Variants in PSD3 observed in about 807,000 individuals in gnomAD.
The protein encoded by PSD3 is PH and SEC7 domain-containing protein 3.
In PSD3, 49 loss-of-function variants were observed where a neutral mutation model predicts 105.5. The observed-to-expected ratio is 0.46, with a 90% confidence interval of 0.37 to 0.59. PSD3 has a LOEUF of 0.59. Among genes scored for constraint, PSD3 ranks in the 20% least tolerant of loss-of-function variants. The pLI is 0.00. For synonymous variants in PSD3, 557 were observed against 457.8 expected (o/e 1.22, Z -2.77); for missense variants, 1,561 against 1,263.8 (o/e 1.24, Z -3.57).
intron 4 of PSD3, among the ~76,000 whole-genome samples, chr8:18,833,672 T>C (rs1813863479): frequency 6.6e-6 from 1 of 152,196 alleles, no homozygotes; most frequent in Admixed American, 6.5e-5. Flanking sequence ...TTTAGTTATC[T>C]AGTCAGAATA....
intron 8 of PSD3, among the ~76,000 whole-genome samples, chr8:18,795,051 A>T (rs898317868): frequency 1.3e-5 from 2 of 152,244 alleles, no homozygotes; most frequent in African/African-American, 4.8e-5. Flanking sequence ...ATTAGAAAAG[A>T]AATAATGAAT....
chr8:18,642,569 A>C (rs1205703099), intron 10 of PSD3, among the ~76,000 whole-genome samples: 1 of 152,158 alleles, frequency 6.6e-6, no homozygotes, highest in African/African-American at 2.4e-5. Flanking sequence ...CCCAGCCTCC[A>C]TAATTCTTTG....
intron 4 of PSD3, among the ~76,000 whole-genome samples, chr8:18,836,747 T>C (rs914639885): frequency 6.6e-6 from 1 of 152,072 alleles, no homozygotes; most frequent in African/African-American, 2.4e-5. Context: ...ACAATGCAAA[T>C]GCTATGACAA....
At chr8:18,791,945 T>C (rs544339044) in intron 8 of PSD3, among the ~76,000 whole-genome samples, 2 of 152,254 alleles carry the variant, frequency 1.3e-5, no homozygotes, top group South Asian at 4.1e-4. Flanking sequence ...AAGACATATA[T>C]GCGGCCAAGA....
chr8:18,575,382 T>A, intron 12 of PSD3, 97 bp from the exon 13 acceptor site: 1 of 1,164,594 alleles, frequency 8.6e-7, no homozygotes, highest in Non-Finnish European at 1.1e-6. Context: ...TTTTAGGAAA[T>A]CCAAGTAAGT....
chr8:18,806,215 C>A, intron 4 of PSD3, among the ~76,000 whole-genome samples: 1 of 152,192 alleles, frequency 6.6e-6, no homozygotes, highest in East Asian at 1.9e-4. Flanking sequence ...AGTTTGGTGC[C>A]GCTGCCTTAA....
chr8:18,674,927 G>C (rs1799987050), intron 9 of PSD3, among the ~76,000 whole-genome samples: 1 of 152,094 alleles, frequency 6.6e-6, no homozygotes, highest in Non-Finnish European at 1.5e-5. Flanking sequence ...TATGAGGCCA[G>C]GATTTCAGGG....
At chr8:18,666,149 C>CA (rs1239146190) in intron 9 of PSD3, among the ~76,000 whole-genome samples, 8 of 152,288 alleles carry the variant, frequency 5.3e-5, no homozygotes, top group African/African-American at 1.7e-4. Context: ...CTCCTGGGTT[C>CA]AAGTGGTTCT....
intron 8 of PSD3, among the ~76,000 whole-genome samples, chr8:18,793,044 A>C (rs1035761472): frequency 6.6e-6 from 1 of 152,184 alleles, no homozygotes; most frequent in Non-Finnish European, 1.5e-5. Context: ...ATGAAGCTGG[A>C]AACTATCATT....
At chr8:19,058,199 T>C (rs1221752251) in intron 1 of PSD3, among the ~76,000 whole-genome samples, 4 of 152,200 alleles carry the variant, frequency 2.6e-5, no homozygotes, top group Non-Finnish European at 5.9e-5. Context: ...GTGGGTTACG[T>C]ACTTTGTGGT....
chr8:18,743,016 A>G (rs1357560152), intron 9 of PSD3, among the ~76,000 whole-genome samples: 1 of 152,214 alleles, frequency 6.6e-6, no homozygotes, highest in Non-Finnish European at 1.5e-5. Flanking sequence ...ACACTATGCG[A>G]TGCCTTTAGC....
chr8:18,768,116 C>CAAAAAAAAAAAAAAAAA (rs774203727), intron 8 of PSD3, among the ~76,000 whole-genome samples: 1 of 97,370 alleles, frequency 1.0e-5, no homozygotes, highest in Non-Finnish European at 1.9e-5. Flanking sequence ...ACTGAAAATA[C>CAAAAAAAAAAAAAAAAA]AAAAAAAAAA....
At chr8:18,855,498 TGA>T (rs1355757026) in intron 4 of PSD3, among the ~76,000 whole-genome samples, 1 of 152,140 alleles carries the variant, frequency 6.6e-6, no homozygotes, top group Non-Finnish European at 1.5e-5. Context: ...AAACTAGGGC[TGA>T]GTCAATAAGA....
intron 9 of PSD3, among the ~76,000 whole-genome samples, chr8:18,744,213 A>G (rs1056853991): frequency 5.9e-5 from 9 of 152,224 alleles, no homozygotes; most frequent in Admixed American, 2.6e-4. Flanking sequence ...TAGGCTTTAC[A>G]TGGATTTTCA....
chr8:18,808,741 C>A (rs972619314), intron 4 of PSD3: 3 of 1,613,892 alleles, frequency 1.9e-6, no homozygotes, highest in African/African-American at 2.7e-5. Context: ...AATATGATGG[C>A]AATATAAACT....
intron 14 of PSD3, among the ~76,000 whole-genome samples, chr8:18,563,123 C>T (rs950689923): frequency 6.6e-6 from 1 of 152,058 alleles, no homozygotes; most frequent in Non-Finnish European, 1.5e-5. Flanking sequence ...CACTTTTTTC[C>T]TTCCCTTAAA....
At chr8:18,543,842 G>A (rs530934232) in intron 15 of PSD3, among the ~76,000 whole-genome samples, 28 of 152,168 alleles carry the variant, frequency 1.8e-4, no homozygotes, top group African/African-American at 6.3e-4. Flanking sequence ...ATATTTACAT[G>A]GATCTCACTG....
At chr8:18,555,629 T>C (rs895997780) in intron 15 of PSD3, among the ~76,000 whole-genome samples, 2 of 152,208 alleles carry the variant, frequency 1.3e-5, no homozygotes, top group African/African-American at 4.8e-5. Context: ...AACTTGGGTT[T>C]AAATTTTACA....
At chr8:18,568,675 G>T (rs1210560408) in intron 14 of PSD3, among the ~76,000 whole-genome samples, 1 of 151,078 alleles carries the variant, frequency 6.6e-6, no homozygotes, top group East Asian at 2.0e-4. Flanking sequence ...TTTAAAATGG[G>T]CCTTTCTGCT....
Sources: gnomAD v4.1 joint callset for allele counts (sites outside exome capture counted in the v4.1 genomes callset) on GRCh38, gnomAD v4.1.1 for gene constraint, MANE v1.5 for transcripts, NCBI Gene and HGNC (gene_info 2026-07-23, HGNC 2026-07-21) for gene names.